Variants in FBXL7 observed in about 807,000 individuals in gnomAD.
FBXL7 encodes the protein F-box and leucine rich repeat protein 7.
A neutral mutation model predicts 38.3 loss-of-function variants in FBXL7; 12 were observed. The ratio of observed to expected loss-of-function variants is 0.31; its 90% CI spans 0.20 to 0.51. FBXL7 has a LOEUF of 0.51. Ranked by LOEUF, FBXL7 falls within the 20% of genes least tolerant of loss-of-function variation. FBXL7 has a pLI of 0.98. For synonymous variants in FBXL7, 297 were observed against 300.9 expected (o/e 0.99, Z 0.13); for missense variants, 567 against 676.4 (o/e 0.84, Z 1.79).
rs374085105 is a variant in FBXL7 at position 15,538,155 on chromosome 5, G to C, written c.37+37442G>C. Among the ~76,000 whole-genome samples, 7 of 152,248 alleles carry C rather than the reference G, an allele frequency of 4.6e-5. No homozygotes were observed. The East Asian group carries it at 1.2e-3, about 25-fold the overall frequency. ...TCTCCCCTATTAAACACATTCTAAGGGGGTAGTGGAGGACCAAAATAAATT... is the reference window on the plus strand; with the variant it reads ...TCTCCCCTATTAAACACATTCTAAGCGGGTAGTGGAGGACCAAAATAAATT... On this transcript the variant is annotated intron_variant, in intron 1 of 3. Transcript: ENST00000504595.
At chr5:15,576,133 A>G (rs938300916) in intron 1 of FBXL7, among the ~76,000 whole-genome samples, 1 of 116,738 alleles carries the variant, frequency 8.6e-6, no homozygotes, top group Non-Finnish European at 1.6e-5. Flanking sequence ...CCCAGGCTGG[A>G]GTGCAATGGC....
At chr5:15,743,037 T>C (rs546349941) in intron 2 of FBXL7, among the ~76,000 whole-genome samples, 1 of 152,274 alleles carries the variant, frequency 6.6e-6, no homozygotes, top group East Asian at 1.9e-4. Context: ...TCCCATGACA[T>C]GCAGGGATTA....
rs372448889 is a variant in FBXL7 at position 15,616,047 on chromosome 5, C to T, written c.102C>T (p.Ala34=). The T allele has an allele frequency of 5.6e-5, 90 of 1,613,288 alleles. No homozygotes were observed. In the African/African-American group the frequency reaches 1.0e-3, roughly 19 times the overall value. Residue 34 remains alanine (A), a synonymous_variant, in exon 2 of 4, where the codon GCC becomes GCT. Coordinates refer to ENST00000504595, the MANE Select transcript of FBXL7 (RefSeq NM_012304.5). ...GTACAGATCACACGCCCACTAAAGCCCAGAAGAATGTGGCTACCAGCGAAG... is the reference window on the plus strand; with the variant it reads ...GTACAGATCACACGCCCACTAAAGCTCAGAAGAATGTGGCTACCAGCGAAG... ...SSSTDHTPTK[A]QKNVATSEDS...
At chr5:15,836,461 T>C (rs1738595374) in intron 2 of FBXL7, among the ~76,000 whole-genome samples, 1 of 152,024 alleles carries the variant, frequency 6.6e-6, no homozygotes, top group African/African-American at 2.4e-5. Flanking sequence ...CAGTTTACAG[T>C]TTGAAATAAG....
chr5:15,791,509 G>A (rs1383156849), intron 2 of FBXL7, among the ~76,000 whole-genome samples: 4 of 152,192 alleles, frequency 2.6e-5, no homozygotes, highest in African/African-American at 2.4e-5. Flanking sequence ...TGATGGGCAT[G>A]TATAGAACAT....
intron 2 of FBXL7, among the ~76,000 whole-genome samples, chr5:15,768,740 G>C (rs1241139371): frequency 6.6e-6 from 1 of 152,110 alleles, no homozygotes; most frequent in African/African-American, 2.4e-5. Context: ...CACTAGTGCT[G>C]GTCCAGCCAG....
At chr5:15,602,414 A>T (rs556564966) in intron 1 of FBXL7, 1 of 152,046 alleles carries the variant, frequency 6.6e-6, no homozygotes, top group African/African-American at 2.4e-5. Context: ...GGGATATTCC[A>T]TTAGGAATAA....
chr5:15,614,664 A>G (rs1740385022), intron 1 of FBXL7, among the ~76,000 whole-genome samples: 1 of 152,224 alleles, frequency 6.6e-6, no homozygotes, highest in Non-Finnish European at 1.5e-5. Context: ...TGGAATCAGA[A>G]TTCTGAACAT....
chr5:15,661,247 A>G (rs1742057603), intron 2 of FBXL7, among the ~76,000 whole-genome samples: 1 of 152,154 alleles, frequency 6.6e-6, no homozygotes, highest in African/African-American at 2.4e-5. Context: ...TTATGGGTTG[A>G]CTTGGATCCT....
intron 2 of FBXL7, among the ~76,000 whole-genome samples, chr5:15,739,968 A>C (rs1320216994): frequency 6.6e-6 from 1 of 152,182 alleles, no homozygotes; most frequent in Non-Finnish European, 1.5e-5. Context: ...CTGCCCGACT[A>C]TTCACCACAA....
chr5:15,828,299 C>A (rs1485750068), intron 2 of FBXL7, among the ~76,000 whole-genome samples: 1 of 152,072 alleles, frequency 6.6e-6, no homozygotes, highest in African/African-American at 2.4e-5. Context: ...ATATATAACA[C>A]CCAGATAAAT....
chr5:15,622,616 C>CA (rs1432640709), intron 2 of FBXL7, among the ~76,000 whole-genome samples: 7 of 152,134 alleles, frequency 4.6e-5, no homozygotes, highest in South Asian at 2.1e-4. Context: ...GACATGAACT[C>CA]ATCATTTTTT....
chr5:15,919,496 A>C (rs542875204), intron 2 of FBXL7, among the ~76,000 whole-genome samples: 1 of 152,354 alleles, frequency 6.6e-6, no homozygotes, highest in Non-Finnish European at 1.5e-5. Flanking sequence ...GTAATTTAAG[A>C]ATAAAAAACA....
chr5:15,916,011 A>G (rs974046610), intron 2 of FBXL7, among the ~76,000 whole-genome samples: 1 of 152,186 alleles, frequency 6.6e-6, no homozygotes, highest in Admixed American at 6.5e-5. Flanking sequence ...GGCAGACCTG[A>G]TGAATGGTGA....
At chr5:15,859,859 C>G (rs1258544353) in intron 2 of FBXL7, among the ~76,000 whole-genome samples, 1 of 152,112 alleles carries the variant, frequency 6.6e-6, no homozygotes, top group Non-Finnish European at 1.5e-5. Context: ...GATAAAGAAC[C>G]TGAGGATATA....
chr5:15,770,623 A>G (rs914358623), intron 2 of FBXL7, among the ~76,000 whole-genome samples: 1 of 152,198 alleles, frequency 6.6e-6, no homozygotes, highest in Non-Finnish European at 1.5e-5. Context: ...TCTATGTTAC[A>G]TCTTTTGTTA....
At chr5:15,548,083 C>A (rs1175488832) in intron 1 of FBXL7, among the ~76,000 whole-genome samples, 2 of 152,184 alleles carry the variant, frequency 1.3e-5, no homozygotes, top group African/African-American at 2.4e-5. Flanking sequence ...AGAAGCTCTT[C>A]TTTTCCTAAA....
chr5:15,656,388 G>A (rs895737157), intron 2 of FBXL7, among the ~76,000 whole-genome samples: 2 of 152,160 alleles, frequency 1.3e-5, no homozygotes, highest in Admixed American at 6.5e-5. Flanking sequence ...GTTCCACATG[G>A]CTGGGGAATC....
chr5:15,522,165 T>C (rs1737114577), intron 1 of FBXL7, among the ~76,000 whole-genome samples: 1 of 152,226 alleles, frequency 6.6e-6, no homozygotes. Context: ...TTCATTACTA[T>C]TTTATTATTC....
Sources: gnomAD v4.1 joint callset for allele counts (sites outside exome capture counted in the v4.1 genomes callset) on GRCh38, gnomAD v4.1.1 for gene constraint, MANE v1.5 for transcripts, NCBI Gene and HGNC (gene_info 2026-07-23, HGNC 2026-07-21) for gene names.